Variants in GRK7 observed in about 807,000 individuals in gnomAD.
GRK7 encodes rhodopsin kinase GRK7.
In GRK7, 24 loss-of-function variants were observed where a neutral mutation model predicts 34.1. The observed-to-expected ratio is 0.70, with a 90% CI of 0.51 to 0.99. The LOEUF is 0.99. Ranked by LOEUF, GRK7 falls within the 50% of genes least tolerant of loss-of-function variation. The pLI is 0.00. For synonymous variants in GRK7, 256 were observed against 279.4 expected (o/e 0.92, Z 0.84); for missense variants, 644 against 707.3 (o/e 0.91, Z 1.02).
the GRK7 span, among the ~76,000 whole-genome samples, chr3:141,755,726 A>G: frequency 6.6e-6 from 1 of 152,174 alleles, no homozygotes; most frequent in East Asian, 1.9e-4. Context: ...TCTTTCATTC[A>G]TTGCTAGCAG....
intron 3 of GRK7, 107 bp downstream of exon 3, chr3:141,779,003 A>C (rs2084657067): frequency 2.8e-6 from 3 of 1,089,460 alleles, no homozygotes; most frequent in Non-Finnish European, 4.0e-6. Context: ...TAATTTCAGC[A>C]CCATATGTGG....
intron 5 of GRK7, among the ~76,000 whole-genome samples, chr3:141,809,762 G>A (rs1028043249): frequency 2.0e-5 from 3 of 152,168 alleles, no homozygotes; most frequent in African/African-American, 7.2e-5. Context: ...ACCCTTGGCA[G>A]TGAGTGACTA....
intron 2 of GRK7, among the ~76,000 whole-genome samples, 98 bp downstream of exon 2, chr3:141,774,778 A>AGAT (rs2084631334): frequency 2.1e-5 from 2 of 94,302 alleles, no homozygotes; most frequent in South Asian, 3.9e-4. Context: ...GTCACCAGTC[A>AGAT]GATTATTATT....
intron 5 of GRK7, among the ~76,000 whole-genome samples, chr3:141,815,709 G>GTGTGTGTGTGTGTGTGTGTT (rs1711145478): frequency 2.0e-5 from 3 of 151,566 alleles, no homozygotes; most frequent in Admixed American, 2.0e-4. Flanking sequence ...CTGTGTGTGT[G>GTGTGTGTGTGTGTGTGTGTT]TGTGTGTGTG....
the GRK7 span, among the ~76,000 whole-genome samples, chr3:141,751,626 A>G: frequency 6.6e-6 from 1 of 152,246 alleles, no homozygotes. Context: ...CTGCCCACTG[A>G]CAAAAAGACC....
Position 141,778,892 on chromosome 3 carries a change from G to A in GRK7, c.608G>A (p.Gly203Glu). Reference sequence around the variant, plus strand: ...AGAGTGCTGGGGAAAGGTGGTTTTGGGGAGGTAAGTGTCTCCCAGTAGCCA... The same window carrying A: ...AGAGTGCTGGGGAAAGGTGGTTTTGAGGAGGTAAGTGTCTCCCAGTAGCCA... ...EFRVLGKGGF[G>E]EVCAVQVKNT... The change falls in exon 3 of 6, where the codon GGG becomes GAG. Residue 203 changes from glycine to glutamate, a missense_variant. Gly to Glu is a moderately conservative substitution (Grantham distance 98, BLOSUM62 -2). Coordinates refer to ENST00000682958, the MANE Select transcript of GRK7 (RefSeq NM_139209.3). This position sits in a 1 kb window ranked among gnomAD's most constrained non-coding sequence, Gnocchi z 4.1. 1.2e-6 allele frequency: 2 copies of A among 1,607,882 alleles called. No homozygotes were observed. Among genetic ancestry groups the A allele is most frequent in the Non-Finnish European group, 1.7e-6 (2 of 1,177,290 alleles).
At chr3:141,753,998 T>C in the GRK7 span, among the ~76,000 whole-genome samples, 1 of 152,220 alleles carries the variant, frequency 6.6e-6, no homozygotes, top group Non-Finnish European at 1.5e-5. Context: ...GAAAAATCAA[T>C]TATGTCTTTG....
chr3:141,811,784 C>G (rs914917460), intron 5 of GRK7, among the ~76,000 whole-genome samples: 5 of 152,200 alleles, frequency 3.3e-5, no homozygotes, highest in Non-Finnish European at 5.9e-5. Context: ...AATGCTCCCT[C>G]CCTGTTGCCT....
At chr3:141,787,913 G>C (rs1279718087) in intron 4 of GRK7, among the ~76,000 whole-genome samples, 3 of 152,088 alleles carry the variant, frequency 2.0e-5, no homozygotes, top group Non-Finnish European at 4.4e-5. Context: ...AGGAGGCTGA[G>C]GCAGGAGGAT....
Position 141,767,915 on chromosome 3 carries a change from T to A in GRK7, c.-215+2177T>A, listed in dbSNP as rs551456949. On this transcript the variant is annotated intron_variant, in intron 1 of 5. Transcript: ENST00000682958. Reference sequence around the variant, plus strand: ...AGTTTTTTCTGGTCTGTTTTCTTCATGTACAGGAAGAGCTTAGACTAGGTA... The same window carrying A: ...AGTTTTTTCTGGTCTGTTTTCTTCAAGTACAGGAAGAGCTTAGACTAGGTA... Among the ~76,000 whole-genome samples the A allele has an allele frequency of 3.9e-5, 6 of 152,354 alleles. No homozygotes were observed. In the South Asian group the frequency reaches 1.0e-3, roughly 26 times the overall value.
chr3:141,783,381 G>A (rs1029391040), intron 4 of GRK7, among the ~76,000 whole-genome samples: 3 of 152,234 alleles, frequency 2.0e-5, no homozygotes, highest in African/African-American at 7.2e-5. Context: ...GTGTGCCCAC[G>A]TTGTAGATGT....
In GRK7 at chr3:141,780,653, GC is replaced by G; in HGVS notation, c.895del (p.Gln299ArgfsTer2). On this transcript the variant is annotated frameshift_variant, in exon 4 of 6. Transcript: ENST00000682958. LOFTEE classifies it high-confidence loss of function. ...LDMSRVIFYSAQIACGMLHLH... is the reference protein window; with the variant it reads ...LDMSRVIFYSXQIACGMLHLH... ...CATGAGCCGGGTGATCTTTTACTCG[GC>G]CCAGATAGCCTGTGGGATGCTGCAC... 1 of 1,614,208 alleles carries G rather than the reference GC, an allele frequency of 6.2e-7. No homozygotes were observed. The highest frequency in any genetic ancestry group is 8.5e-7 in the Non-Finnish European group (1 of 1,180,042).
intron 4 of GRK7, among the ~76,000 whole-genome samples, chr3:141,792,403 C>CAAA (rs112448886): frequency 0.01 from 877 of 84,608 alleles, 9 homozygotes; most frequent in African/African-American, 0.031. Context: ...GATTTTGTCT[C>CAAA]AAAAAAAAAA....
rs544701978 is a variant in GRK7 at position 141,764,297 on chromosome 3, A to G, written c.-1656A>G. ...ACACCCTTAAGCAAGACTCCTCAAG[A>G]GTAGCTTACACTAGCTGCCTCCAAT... On this transcript the variant is annotated 5_prime_UTR_variant, in exon 1 of 6. Transcript: ENST00000682958. Among the ~76,000 whole-genome samples the G allele has an allele frequency of 6.6e-6, 1 of 152,148 alleles. No homozygotes were observed. The highest frequency in any genetic ancestry group is 1.9e-4 in the East Asian group (1 of 5,196).
intron 1 of GRK7, among the ~76,000 whole-genome samples, chr3:141,767,746 G>A (rs2084596313): frequency 6.6e-6 from 1 of 152,106 alleles, no homozygotes; most frequent in African/African-American, 2.4e-5. Flanking sequence ...AGAATCATTT[G>A]TAAATATCTC....
At chr3:141,813,514 G>A (rs897448937) in intron 5 of GRK7, among the ~76,000 whole-genome samples, 3 of 152,146 alleles carry the variant, frequency 2.0e-5, no homozygotes, top group Non-Finnish European at 4.4e-5. Context: ...ACAGACACTG[G>A]GGCAGTCGGT....
chr3:141,755,004 C>T, the GRK7 span, among the ~76,000 whole-genome samples: 10 of 152,114 alleles, frequency 6.6e-5, no homozygotes, highest in South Asian at 6.2e-4. Context: ...AATATAACTA[C>T]GTATGGAAAA....
intron 1 of GRK7, among the ~76,000 whole-genome samples, chr3:141,770,994 C>CAAAAAAAAAAAAAAAAAAAAAAAAAA (rs55988355): frequency 1.2e-5 from 1 of 84,768 alleles, no homozygotes; most frequent in South Asian, 4.0e-4. Flanking sequence ...TACCCAGTCT[C>CAAAAAAAAAAAAAAAAAAAAAAAAAA]AAAAAAAAAA....
chr3:141,767,623 A>T (rs1357829503), intron 1 of GRK7, among the ~76,000 whole-genome samples: 6 of 151,774 alleles, frequency 4.0e-5, no homozygotes, highest in Admixed American at 2.0e-4. Context: ...CTAGTCTCAA[A>T]CTCCTGACCT....
Sources: gnomAD v4.1 joint callset for allele counts (sites outside exome capture counted in the v4.1 genomes callset) on GRCh38, gnomAD v4.1.1 for gene constraint, Gnocchi (gnomAD v3.1) non-coding constraint, MANE v1.5 for transcripts, NCBI Gene and HGNC (gene_info 2026-07-23, HGNC 2026-07-21) for gene names.